RASL10B: variants seen among roughly 807,000 people sequenced by gnomAD.
The protein encoded by RASL10B is ras-like protein family member 10B.
Under a neutral mutation model 20.7 loss-of-function variants are expected in RASL10B, and 10 were observed. The observed-to-expected ratio is 0.48, with a 90% confidence interval of 0.30 to 0.82. The LOEUF (loss-of-function observed/expected upper bound fraction) is 0.82. Ranked by LOEUF, RASL10B falls within the 40% of genes least tolerant of loss-of-function variation. The probability of loss-of-function intolerance (pLI) is 0.07; values close to 1 mark genes in which losing one functional copy is unlikely to be tolerated. For synonymous variants in RASL10B, 110 were observed against 123.3 expected (o/e 0.89, Z 0.72); for missense variants, 231 against 295.4 (o/e 0.78, Z 1.60).
At chr17:35,732,712 C>T (rs760638112) in intron 1 of RASL10B, among the ~76,000 whole-genome samples, 34 of 152,192 alleles carry the variant, frequency 2.2e-4, no homozygotes, top group Non-Finnish European at 4.7e-4. Flanking sequence ...GTGGTGTCCG[C>T]GACAATCTGC....
At position 35,735,340 on chromosome 17, in the gene RASL10B, G is replaced by C; in HGVS notation, c.156G>C (p.Val52=). ...YLPAVVMNGH[V]HDLQILDFPP... is the part of the protein sequence containing the mutation. ...CTGCTGTCGTCATGAACGGCCACGT[G>C]CACGACCTCCAGATCCTCGACTTTC... is the stretch of plus-strand genomic sequence containing the variant. The change falls in exon 2 of 4, where the codon GTG becomes GTC. Residue 52 remains valine, a synonymous_variant. Coordinates refer to ENST00000603017, the MANE Select transcript of RASL10B (RefSeq NM_033315.4). The surrounding 1 kb of genome is among the most constrained non-coding windows in gnomAD (Gnocchi z 6.7). 1 of 1,614,180 alleles carries C rather than the reference G, an allele frequency of 6.2e-7. No homozygotes were observed.
intron 2 of RASL10B, among the ~76,000 whole-genome samples, chr17:35,738,553 G>C (rs1397365943): frequency 2.0e-5 from 3 of 152,158 alleles, no homozygotes; most frequent in Non-Finnish European, 4.4e-5. Context: ...GGAATTATCA[G>C]CAAATGCATG....
intron 1 of RASL10B, among the ~76,000 whole-genome samples, chr17:35,734,139 A>G (rs1239062031): frequency 6.6e-6 from 1 of 152,184 alleles, no homozygotes; most frequent in Non-Finnish European, 1.5e-5. Context: ...TACCAAAATT[A>G]TCTGGGTGTG....
intron 2 of RASL10B, among the ~76,000 whole-genome samples, chr17:35,737,667 T>G (rs112000892): frequency 0.083 from 12,659 of 151,894 alleles, 687 homozygotes; most frequent in Admixed American, 0.16. Context: ...TTTGAGAGGC[T>G]GAGGCAGGCG....
In RASL10B at chr17:35,733,530, A is replaced by G. The variant is rs59283196; in HGVS notation, c.-147-1508A>G. Among the ~76,000 whole-genome samples, 1,366 of 152,346 alleles carry G rather than the reference A, an allele frequency of 9.0e-3. 20 individuals carry two copies. Among genetic ancestry groups the G allele is most frequent in the African/African-American group, 0.032 (1,310 of 41,582 alleles). On this transcript the variant is annotated intron_variant, in intron 1 of 3. Transcript: ENST00000603017. ...GGGGACATTCAGCTGTGGCTTGTGC[A>G]TATGTGGAAAGAACATGCATCTGCA...
At position 35,741,406 on chromosome 17, in the gene RASL10B, G is replaced by T. The variant is rs1239415585; in HGVS notation, c.*101G>T. On this transcript the variant is annotated 3_prime_UTR_variant, in exon 4 of 4. Transcript: ENST00000603017. ...AGCGGGCGGGAAATGGAACTGTGACGGTCCCGGCCTGAGGCCCCTGCAGCC... is the reference window on the plus strand; with the variant it reads ...AGCGGGCGGGAAATGGAACTGTGACTGTCCCGGCCTGAGGCCCCTGCAGCC... 1 of 1,357,206 alleles carries T rather than the reference G, an allele frequency of 7.4e-7. No homozygotes were observed. The highest frequency in any genetic ancestry group is 9.4e-7 in the Non-Finnish European group (1 of 1,058,336). The allele number at this position is 1,357,206 out of a possible 1,614,324, so 84.1% of individuals were successfully genotyped here.
At chr17:35,738,743 A>G (rs1395608837) in intron 2 of RASL10B, among the ~76,000 whole-genome samples, 1 of 152,082 alleles carries the variant, frequency 6.6e-6, no homozygotes, top group African/African-American at 2.4e-5. Flanking sequence ...CTCTTTTAGG[A>G]ACCCCCAGAG....
At position 35,741,843 on chromosome 17, in the gene RASL10B, G is replaced by C. The variant is rs939000481; in HGVS notation, c.*538G>C. ...CTTTGTGAGGCCAGGCCTTCTGACT[G>C]TCAGCACCACCGGCACAGGGCAGAG... is the stretch of plus-strand genomic sequence containing the variant. On this transcript the variant is annotated 3_prime_UTR_variant, in exon 4 of 4. Coordinates refer to ENST00000603017, the MANE Select transcript of RASL10B (RefSeq NM_033315.4). 2 of 153,066 alleles carry C rather than the reference G, an allele frequency of 1.3e-5. No homozygotes were observed. Among genetic ancestry groups the C allele is most frequent in the Non-Finnish European group, 2.9e-5 (2 of 68,574 alleles). The allele number at this position is 153,066 out of a possible 1,614,324, so 9.5% of individuals were successfully genotyped here. A position where few individuals can be genotyped will look rare whatever the true frequency, so the allele number is the denominator to read the frequency against.
At chr17:35,738,384 T>C (rs2085608415) in intron 2 of RASL10B, among the ~76,000 whole-genome samples, 1 of 152,176 alleles carries the variant, frequency 6.6e-6, no homozygotes, top group African/African-American at 2.4e-5. Context: ...AGAATCCTGA[T>C]GGCCACCATC....
Position 35,734,269 on chromosome 17 carries a change from G to A in RASL10B, c.-147-769G>A, listed in dbSNP as rs1555596750. Reference sequence around the variant, plus strand: ...CCACTGTACTCCAGCCAACTTGAAAGTTGGAAGAAGTACTGCGACATCGTA... The same window carrying A: ...CCACTGTACTCCAGCCAACTTGAAAATTGGAAGAAGTACTGCGACATCGTA... On this transcript the variant is annotated intron_variant, in intron 1 of 3. Coordinates refer to ENST00000603017, the MANE Select transcript of RASL10B (RefSeq NM_033315.4). 2.6e-5 allele frequency among the ~76,000 whole-genome samples: 4 copies of A among 152,236 alleles called. No individual in the cohort carries two copies. In the South Asian group the frequency reaches 8.3e-4, roughly 32 times the overall value.
intron 2 of RASL10B, among the ~76,000 whole-genome samples, chr17:35,738,083 AGAGAT>A (rs1245292004): frequency 2.4e-4 from 37 of 152,206 alleles, no homozygotes; most frequent in African/African-American, 8.7e-4. Flanking sequence ...TGACAATCTG[AGAGAT>A]GAGATATGAT....
intron 1 of RASL10B, among the ~76,000 whole-genome samples, 199 bp downstream of exon 1, chr17:35,732,077 T>G (rs1332885281): frequency 6.6e-6 from 1 of 151,916 alleles, no homozygotes; most frequent in African/African-American, 2.4e-5. Flanking sequence ...TGGGGGTGCC[T>G]GCAAGGTGCT....
At chr17:35,736,275 A>G (rs1431802757) in intron 2 of RASL10B, among the ~76,000 whole-genome samples, 2 of 152,250 alleles carry the variant, frequency 1.3e-5, no homozygotes, top group African/African-American at 4.8e-5. Flanking sequence ...ACCAGAGTGT[A>G]CAGAGCTTTT....
rs587625197 is a variant in RASL10B, at chr17:35,736,021, C to G, written c.216+621C>G. The stretch of plus-strand genomic sequence containing the variant: ...GAGACTCTGGAGACCCCAGTCAGGT[C>G]TCTTGCCCAAGGCCCTCTTCTCTTA... On this transcript the variant is annotated intron_variant, in intron 2 of 3. Coordinates refer to ENST00000603017, the MANE Select transcript of RASL10B (RefSeq NM_033315.4). 9.8e-5 allele frequency among the ~76,000 whole-genome samples: 15 copies of G among 152,296 alleles called. No individual in the cohort carries two copies. In the South Asian group the frequency reaches 3.1e-3, roughly 32 times the overall value.
intron 1 of RASL10B, among the ~76,000 whole-genome samples, chr17:35,734,631 C>T (rs1356718178): frequency 2.0e-5 from 3 of 152,124 alleles, no homozygotes; most frequent in African/African-American, 7.2e-5. Flanking sequence ...CGAGTTCTCT[C>T]CCCACAAAAT....
chr17:35,741,001 G>A (rs1555597847), intron 3 of RASL10B, 34 bp from the exon 4 acceptor site: 2 of 1,546,064 alleles, frequency 1.3e-6, no homozygotes, highest in Non-Finnish European at 1.8e-6. Flanking sequence ...TTGTGGGGCT[G>A]ACAGAGTTCT....
chr17:35,732,827 C>T (rs587642131), intron 1 of RASL10B, among the ~76,000 whole-genome samples: 2 of 152,176 alleles, frequency 1.3e-5, no homozygotes, highest in African/African-American at 4.8e-5. Context: ...ACTCCCCACT[C>T]CCCACCTGCC....
intron 1 of RASL10B, among the ~76,000 whole-genome samples, chr17:35,732,241 C>G (rs1287508884): frequency 6.6e-6 from 1 of 152,204 alleles, no homozygotes; most frequent in Non-Finnish European, 1.5e-5. Flanking sequence ...CCTCGGGATC[C>G]GCGAAGCCCC....
Position 35,741,209 on chromosome 17 carries a change from G to A in RASL10B, c.516G>A (p.Glu172=). The part of the protein sequence containing the change: ...YNWHILLLFS[E]LLKSVGCARC... The stretch of plus-strand genomic sequence containing the variant: ...GGCACATCCTGCTGCTCTTCAGCGA[G>A]CTGCTCAAGAGCGTCGGCTGCGCCC... The change falls in exon 4 of 4, where the codon GAG becomes GAA. Residue 172 remains glutamate (E), a synonymous_variant. Transcript: ENST00000603017. The A allele has an allele frequency of 6.2e-7, 1 of 1,612,828 alleles. No individual in the cohort carries two copies. Among genetic ancestry groups the A allele is most frequent in the Non-Finnish European group, 8.5e-7 (1 of 1,179,886 alleles).
Sources: allele counts gnomAD v4.1 joint callset (sites outside exome capture counted in the v4.1 genomes callset), GRCh38; gene constraint gnomAD v4.1.1; non-coding constraint Gnocchi (gnomAD v3.1); transcripts MANE v1.5; gene names NCBI Gene and HGNC (gene_info 2026-07-23, HGNC 2026-07-21).